The following NLGN1 variants were observed in gnomAD, a reference collection of about 807,000 sequenced individuals.
NLGN1 encodes the protein neuroligin 1.
Under a neutral mutation model 65.5 loss-of-function variants are expected in NLGN1, and 12 were observed. That is an observed-to-expected ratio of 0.18 (90% CI 0.12 to 0.30). NLGN1 has a LOEUF of 0.30. NLGN1 is among the 10% of genes least tolerant of loss of function. The pLI is 1.00. For missense variants in NLGN1, 750 were observed against 1,007.1 expected (o/e 0.74, Z 3.46); for synonymous variants, 350 against 359.5 (o/e 0.97, Z 0.30).
intron 2 of NLGN1, among the ~76,000 whole-genome samples, chr3:173,577,478 TC>T (rs1745682671): frequency 6.6e-6 from 1 of 152,170 alleles, no homozygotes; most frequent in African/African-American, 2.4e-5. Context: ...AAATAAAGGG[TC>T]AAAATTTAAT....
intron 4 of NLGN1, among the ~76,000 whole-genome samples, chr3:174,000,501 C>CT (rs1723072509): frequency 6.6e-6 from 1 of 152,048 alleles, no homozygotes; most frequent in African/African-American, 2.4e-5. Flanking sequence ...CTTTTGGATT[C>CT]TGTAGGTATT....
intron 4 of NLGN1, among the ~76,000 whole-genome samples, chr3:174,062,478 CTTT>C (rs1737630908): frequency 6.6e-6 from 1 of 151,942 alleles, no homozygotes; most frequent in African/African-American, 2.4e-5. Flanking sequence ...ATCTCAACAT[CTTT>C]TAAATTTTTG....
At chr3:174,204,343 A>C (rs1004942594) in intron 4 of NLGN1, among the ~76,000 whole-genome samples, 2 of 152,226 alleles carry the variant, frequency 1.3e-5, no homozygotes, top group Non-Finnish European at 2.9e-5. Context: ...TTTGCATATC[A>C]AAAAAATTTT....
At chr3:173,996,287 G>A (rs1377034977) in intron 4 of NLGN1, among the ~76,000 whole-genome samples, 2 of 152,228 alleles carry the variant, frequency 1.3e-5, no homozygotes, top group Non-Finnish European at 1.5e-5. Context: ...TATAGTGCAA[G>A]GACATGCTGT....
intron 3 of NLGN1, among the ~76,000 whole-genome samples, chr3:173,785,624 C>A (rs1305302355): frequency 6.6e-6 from 1 of 151,748 alleles, no homozygotes; most frequent in African/African-American, 2.4e-5. Context: ...TTTCTAAGTA[C>A]ATAGATATTT....
At chr3:174,001,565 G>T (rs1322072452) in intron 4 of NLGN1, among the ~76,000 whole-genome samples, 1 of 152,166 alleles carries the variant, frequency 6.6e-6, no homozygotes, top group Non-Finnish European at 1.5e-5. Flanking sequence ...TAAGAGGATA[G>T]TCCCCTGAGT....
chr3:174,065,321 GAA>G (rs1738282664), intron 4 of NLGN1, among the ~76,000 whole-genome samples: 2 of 152,058 alleles, frequency 1.3e-5, no homozygotes. Flanking sequence ...GAGACAGAGA[GAA>G]AGAGACAGAT....
chr3:173,750,433 G>T (rs956080539), intron 3 of NLGN1, among the ~76,000 whole-genome samples: 2 of 152,040 alleles, frequency 1.3e-5, no homozygotes, highest in African/African-American at 4.8e-5. Flanking sequence ...CAAATTGGAG[G>T]TTACTGAGCT....
At chr3:174,008,603 G>A (rs531617723) in intron 4 of NLGN1, among the ~76,000 whole-genome samples, 1 of 152,076 alleles carries the variant, frequency 6.6e-6, no homozygotes, top group East Asian at 1.9e-4. Flanking sequence ...CTTACTGAAA[G>A]AGGAGAACAT....
chr3:173,776,208 A>G (rs896988606), intron 3 of NLGN1, among the ~76,000 whole-genome samples: 2 of 152,070 alleles, frequency 1.3e-5, no homozygotes, highest in Admixed American at 1.3e-4. Flanking sequence ...TGAACAAAAA[A>G]ACTTTATTAG....
chr3:174,138,685 C>T (rs1232183624), intron 4 of NLGN1, among the ~76,000 whole-genome samples: 9 of 152,048 alleles, frequency 5.9e-5, no homozygotes, highest in Admixed American at 5.2e-4. Flanking sequence ...CCGCCCGCCT[C>T]GGCCTCCCAA....
intron 2 of NLGN1, among the ~76,000 whole-genome samples, chr3:173,512,225 A>G (rs996587973): frequency 6.6e-6 from 1 of 152,228 alleles, no homozygotes; most frequent in Non-Finnish European, 1.5e-5. Flanking sequence ...CAGCAAGGGC[A>G]AAGTGTCAGT....
At chr3:173,513,193 C>G (rs1733264904) in intron 2 of NLGN1, among the ~76,000 whole-genome samples, 1 of 151,036 alleles carries the variant, frequency 6.6e-6, no homozygotes, top group Non-Finnish European at 1.5e-5. Flanking sequence ...TTTGAAATGG[C>G]TACAATTCCC....
At chr3:173,837,544 T>C (rs1723880567) in intron 4 of NLGN1, among the ~76,000 whole-genome samples, 1 of 152,174 alleles carries the variant, frequency 6.6e-6, no homozygotes, top group Non-Finnish European at 1.5e-5. Context: ...ATATGTTGAG[T>C]AAAAGAAATG....
At chr3:174,006,049 A>T (rs1399288149) in intron 4 of NLGN1, among the ~76,000 whole-genome samples, 1 of 152,088 alleles carries the variant, frequency 6.6e-6, no homozygotes, top group Non-Finnish European at 1.5e-5. Flanking sequence ...ACCTAACAGG[A>T]CTATTTGATA....
intron 4 of NLGN1, among the ~76,000 whole-genome samples, chr3:173,833,185 GA>G (rs1474260411): frequency 6.6e-6 from 1 of 152,164 alleles, no homozygotes; most frequent in Non-Finnish European, 1.5e-5. Flanking sequence ...CATTGCAAGA[GA>G]TTGAACCAAA....
intron 3 of NLGN1, among the ~76,000 whole-genome samples, chr3:173,768,806 C>T (rs1779148959): frequency 6.6e-6 from 1 of 152,160 alleles, no homozygotes; most frequent in Non-Finnish European, 1.5e-5. Flanking sequence ...GGGTCTTGCT[C>T]TGTCGCCCAG....
At chr3:174,050,832 G>T (rs1734661275) in intron 4 of NLGN1, among the ~76,000 whole-genome samples, 1 of 152,038 alleles carries the variant, frequency 6.6e-6, no homozygotes, top group Non-Finnish European at 1.5e-5. Context: ...CTATAATGGT[G>T]ACATGAGGAC....
intron 3 of NLGN1, chr3:173,800,213 A>G (rs1715142801): frequency 8.1e-6 from 3 of 371,164 alleles, no homozygotes; most frequent in Non-Finnish European, 8.7e-6. Context: ...TAGTATTTAT[A>G]TTTATTTTTT....
Sources: allele counts gnomAD v4.1 joint callset (sites outside exome capture counted in the v4.1 genomes callset), GRCh38; gene constraint gnomAD v4.1.1; transcripts MANE v1.5; gene names NCBI Gene and HGNC (gene_info 2026-07-23, HGNC 2026-07-21).